Variants in PRKCA observed in about 807,000 individuals in gnomAD.
PRKCA encodes protein kinase C alpha.
Under a neutral mutation model 87.0 loss-of-function variants are expected in PRKCA, and 27 were observed. The observed-to-expected ratio is 0.31, with a 90% CI of 0.23 to 0.43. The LOEUF is 0.43. PRKCA is among the 20% of genes least tolerant of loss of function. The probability of loss-of-function intolerance (pLI) is 1.00; values close to 1 mark genes in which losing one functional copy is unlikely to be tolerated. For missense variants in PRKCA, 518 were observed against 852.3 expected, an observed-to-expected ratio of 0.61 and a Z score of 4.88; for synonymous variants, 329 against 311.1, an observed-to-expected ratio of 1.06 and a Z score of -0.61.
At chr17:66,373,539 G>T (rs190569015) in intron 2 of PRKCA, among the ~76,000 whole-genome samples, 6 of 152,218 alleles carry the variant, frequency 3.9e-5, no homozygotes, top group South Asian at 4.1e-4. Flanking sequence ...AGTTGTAGGA[G>T]TTTGGTGATT....
At chr17:66,678,572 C>T (rs1365578871) in intron 5 of PRKCA, among the ~76,000 whole-genome samples, 2 of 152,126 alleles carry the variant, frequency 1.3e-5, no homozygotes, top group South Asian at 2.1e-4. Flanking sequence ...CTTAAGCCAA[C>T]AGGCATTCAT....
intron 3 of PRKCA, among the ~76,000 whole-genome samples, chr17:66,573,774 C>T (rs8071862): frequency 0.44 from 66,680 of 152,002 alleles, 14,783 homozygotes; most frequent in South Asian, 0.55. Flanking sequence ...ATACACTGAA[C>T]TCATAAAAAT....
rs191380326 is a variant in PRKCA at position 66,479,431 on chromosome 17, T to G, written c.206-16770T>G. Among the ~76,000 whole-genome samples the G allele has an allele frequency of 1.1e-3, 170 of 152,342 alleles. 1 individual carries two copies. The highest frequency in any genetic ancestry group is 1.7e-3 in the Non-Finnish European group (119 of 68,008). On this transcript the variant is annotated intron_variant, in intron 2 of 16. Transcript: ENST00000413366. ...GAAATGTAAATTAGTTCAACCATTG[T>G]GCAAGACAGTATGGCCATTCTTCAA...
chr17:66,749,251 C>T (rs918767238), intron 13 of PRKCA, among the ~76,000 whole-genome samples: 3 of 152,014 alleles, frequency 2.0e-5, no homozygotes, highest in Admixed American at 1.3e-4. Flanking sequence ...TTAGCACCTG[C>T]CTCCCCGCCC....
intron 3 of PRKCA, among the ~76,000 whole-genome samples, chr17:66,596,762 G>A (rs1018277292): frequency 6.4e-5 from 5 of 78,250 alleles, no homozygotes; most frequent in Non-Finnish European, 1.2e-4. Flanking sequence ...CCCAGAGTGT[G>A]ATATTCCCCT....
chr17:66,512,924 C>T (rs530762653), intron 3 of PRKCA, among the ~76,000 whole-genome samples: 14 of 152,176 alleles, frequency 9.2e-5, no homozygotes, highest in South Asian at 6.2e-4. Context: ...AACTCCTGGC[C>T]TCAGTTGACC....
intron 2 of PRKCA, among the ~76,000 whole-genome samples, chr17:66,453,867 G>GT (rs528412142): frequency 6.1e-4 from 93 of 152,294 alleles, no homozygotes; most frequent in African/African-American, 2.2e-3. Flanking sequence ...AATACTTTGG[G>GT]TTTTTTCAGA....
chr17:66,503,300 C>G (rs536810013), intron 3 of PRKCA, among the ~76,000 whole-genome samples: 2 of 152,242 alleles, frequency 1.3e-5, no homozygotes, highest in Non-Finnish European at 2.9e-5. Context: ...TTGAACCGTC[C>G]CGTTGAACAG....
chr17:66,393,585 C>T (rs1910488106), intron 2 of PRKCA, among the ~76,000 whole-genome samples: 1 of 152,000 alleles, frequency 6.6e-6, no homozygotes, highest in Admixed American at 6.6e-5. Flanking sequence ...GTGCAGAGGG[C>T]GGATAGCACA....
At chr17:66,609,002 A>G (rs1019465056) in intron 3 of PRKCA, among the ~76,000 whole-genome samples, 2 of 152,220 alleles carry the variant, frequency 1.3e-5, no homozygotes, top group East Asian at 1.9e-4. Flanking sequence ...GAACGAGGCC[A>G]TGCAGTTTGC....
chr17:66,545,884 A>G (rs1276206680), intron 3 of PRKCA, among the ~76,000 whole-genome samples: 2 of 152,206 alleles, frequency 1.3e-5, no homozygotes, highest in African/African-American at 4.8e-5. Flanking sequence ...AAAAAAAGTA[A>G]ATTAGATTTT....
At chr17:66,422,686 A>G (rs772268155) in intron 2 of PRKCA, among the ~76,000 whole-genome samples, 3 of 152,234 alleles carry the variant, frequency 2.0e-5, no homozygotes, top group Non-Finnish European at 4.4e-5. Flanking sequence ...AATCTAGGAC[A>G]TAAGAGAGCC....
intron 16 of PRKCA, among the ~76,000 whole-genome samples, chr17:66,794,684 G>A (rs562483653): frequency 2.0e-5 from 3 of 149,728 alleles, no homozygotes; most frequent in African/African-American, 2.5e-5. Context: ...GCAGTGGCGC[G>A]ATATCAGCTC....
chr17:66,544,049 T>C (rs1269376925), intron 3 of PRKCA, among the ~76,000 whole-genome samples: 1 of 151,774 alleles, frequency 6.6e-6, no homozygotes, highest in African/African-American at 2.4e-5. Context: ...CTGACTGTAC[T>C]AAAAAAAATA....
intron 2 of PRKCA, among the ~76,000 whole-genome samples, chr17:66,490,902 A>G (rs1388148612): frequency 6.6e-6 from 1 of 152,170 alleles, no homozygotes; most frequent in African/African-American, 2.4e-5. Flanking sequence ...TGAGCCAAAC[A>G]CAGGTGACTG....
chr17:66,469,536 T>A (rs1267030256), intron 2 of PRKCA, among the ~76,000 whole-genome samples: 1 of 152,224 alleles, frequency 6.6e-6, no homozygotes, highest in Non-Finnish European at 1.5e-5. Flanking sequence ...TCTGAGCAAT[T>A]CATTACTATT....
At chr17:66,486,913 G>A (rs575633653) in intron 2 of PRKCA, among the ~76,000 whole-genome samples, 7 of 152,060 alleles carry the variant, frequency 4.6e-5, no homozygotes, top group Non-Finnish European at 4.4e-5. Context: ...CGTGTGCACA[G>A]GTATCAGAAT....
At chr17:66,780,401 G>A (rs1161033043) in intron 14 of PRKCA, among the ~76,000 whole-genome samples, 2 of 152,184 alleles carry the variant, frequency 1.3e-5, no homozygotes, top group East Asian at 1.9e-4. Flanking sequence ...AAGAGGCTGG[G>A]TACGGTGGTT....
At chr17:66,777,087 C>T (rs1422383774) in intron 14 of PRKCA, 1 of 364,264 alleles carries the variant, frequency 2.7e-6, no homozygotes, top group African/African-American at 2.2e-5. Context: ...TGGCTGCGAC[C>T]AATTATTATT....
Sources: allele counts gnomAD v4.1 joint callset (sites outside exome capture counted in the v4.1 genomes callset), GRCh38; gene constraint gnomAD v4.1.1; transcripts MANE v1.5; gene names NCBI Gene and HGNC (gene_info 2026-07-23, HGNC 2026-07-21).